The following LCT variants were observed in gnomAD, a reference collection of about 807,000 sequenced individuals.
LCT encodes the protein lactase, also known as lactase/phlorizin hydrolase.
A neutral mutation model predicts 173.0 loss-of-function variants in LCT; 90 were observed. That is an observed-to-expected ratio of 0.52 (90% CI 0.44 to 0.62). The LOEUF (loss-of-function observed/expected upper bound fraction) is 0.62. LCT is among the 20% of genes least tolerant of loss of function. The pLI, the probability that LCT is intolerant of heterozygous loss-of-function variation, is 0.00. For missense variants in LCT, 1,864 were observed against 2,431.4 expected, an observed-to-expected ratio of 0.77 and a Z score of 4.91; for synonymous variants, 853 against 957.6, an observed-to-expected ratio of 0.89 and a Z score of 2.02.
At chr2:135,826,967 G>T (rs1044829857) in intron 3 of LCT, among the ~76,000 whole-genome samples, 1 of 151,956 alleles carries the variant, frequency 6.6e-6, no homozygotes, top group African/African-American at 2.4e-5. Context: ...CAAACCCTTG[G>T]ACTTCTTTTT....
chr2:135,832,450 T>TA (rs2077948273), intron 2 of LCT, among the ~76,000 whole-genome samples: 1 of 150,864 alleles, frequency 6.6e-6, no homozygotes, highest in South Asian at 2.1e-4. Flanking sequence ...TAAATAAAAA[T>TA]AAAAAATAAA....
At chr2:135,796,189 C>CT (rs1187487096) in intron 13 of LCT, among the ~76,000 whole-genome samples, 1 of 152,256 alleles carries the variant, frequency 6.6e-6, no homozygotes, top group Non-Finnish European at 1.5e-5. Flanking sequence ...ACAGGGAGAC[C>CT]TGGGGCTTCT....
At chr2:135,818,251 GGTGA>G (rs1235431198) in intron 5 of LCT, among the ~76,000 whole-genome samples, 190 bp from the exon 6 acceptor site, 1 of 152,180 alleles carries the variant, frequency 6.6e-6, no homozygotes, top group East Asian at 1.9e-4. Context: ...CCCCTTCTGA[GGTGA>G]GTGATTCTTG....
chr2:135,817,271 A>G lies in LCT; in HGVS notation c.1707+70T>C, dbSNP rs531676326. 33 of 1,532,052 alleles carry G rather than the reference A, an allele frequency of 2.2e-5. No individual in the cohort carries two copies. In the African/African-American group the frequency reaches 4.3e-4, roughly 20 times the overall value. 94.9% of individuals were successfully genotyped at this position (1,532,052 alleles called of 1,614,324 possible). ...AAGGCTTGCTGATGGAAGAAAACAGAGAAAATGACTTTCTTCCAGCCAATG... is the reference window on the plus strand; with the variant it reads ...AAGGCTTGCTGATGGAAGAAAACAGGGAAAATGACTTTCTTCCAGCCAATG... On this transcript the variant is annotated intron_variant, in intron 6 of 16. Transcript: ENST00000264162.
Position 135,806,713 on chromosome 2 carries a change from C to T in LCT, c.4173+415G>A, listed in dbSNP as rs1044783462. On this transcript the variant is annotated intron_variant, in intron 9 of 16. Transcript: ENST00000264162. ...AGGAGCACTAGGCTATACCATGTAG[C>T]CTAGGTGTGTAGTAAGCTACACTAT... Among the ~76,000 whole-genome samples the T allele has an allele frequency of 2.0e-5, 3 of 152,196 alleles. No individual in the cohort carries two copies. The East Asian group carries it at 5.8e-4, about 29-fold the overall frequency.
chr2:135,834,289 G>A (rs62159034), intron 1 of LCT, among the ~76,000 whole-genome samples: 77,037 of 151,286 alleles, frequency 0.51, 23,737 homozygotes, highest in Non-Finnish European at 0.71. Context: ...AGGTTCAAGC[G>A]ATTCTCCTGC....
At chr2:135,800,465 T>A in intron 12 of LCT, 142 bp downstream of exon 12, 1 of 755,750 alleles carries the variant, frequency 1.3e-6, no homozygotes, top group Non-Finnish European at 2.3e-6. Context: ...CCTCAAGAAA[T>A]CCTCCTGCCT....
At position 135,827,906 on chromosome 2, in the gene LCT, AAC is replaced by A. The variant is rs571381870; in HGVS notation, c.804+1685_804+1686del. On this transcript the variant is annotated intron_variant, in intron 3 of 16. Transcript: ENST00000264162. ...AGTGTCTACTACACAGACAGCTAGA[AAC>A]ACACAGACATTGGGATAGGACTGGT... Among the ~76,000 whole-genome samples the A allele has an allele frequency of 6.0e-4, 91 of 152,336 alleles. 1 individual carries two copies. Among genetic ancestry groups the A allele is most frequent in the African/African-American group, 2.1e-3 (86 of 41,580 alleles).
At chr2:135,818,368 T>C (rs570499323) in intron 5 of LCT, among the ~76,000 whole-genome samples, 12 of 152,368 alleles carry the variant, frequency 7.9e-5, no homozygotes, top group Middle Eastern at 3.4e-3. Flanking sequence ...TTCTTATAAT[T>C]CATTATTTGT....
intron 12 of LCT, among the ~76,000 whole-genome samples, chr2:135,800,316 T>A (rs2077615001): frequency 6.6e-6 from 1 of 152,134 alleles, no homozygotes; most frequent in Non-Finnish European, 1.5e-5. Flanking sequence ...CACTGCAACC[T>A]TGACCTCCTG....
chr2:135,827,599 G>T (rs187421582), intron 3 of LCT, among the ~76,000 whole-genome samples: 1 of 152,162 alleles, frequency 6.6e-6, no homozygotes. Flanking sequence ...ATTTGGGGAT[G>T]AAATTGTTCC....
At chr2:135,825,433 G>A (rs1021943381) in intron 3 of LCT, among the ~76,000 whole-genome samples, 5 of 152,194 alleles carry the variant, frequency 3.3e-5, no homozygotes, top group African/African-American at 7.2e-5. Flanking sequence ...CCAGGGTGGC[G>A]TGCTTAGGGA....
rs764241747 is a variant in LCT, at chr2:135,837,040, T to C, written c.130A>G (p.Ser44Gly). The C allele has an allele frequency of 3.7e-6, 6 of 1,614,010 alleles. No homozygotes were observed. The highest frequency in any genetic ancestry group is 5.1e-6 in the Non-Finnish European group (6 of 1,179,968). ...PLTNDLLHNL[S>G]GLLGDQSSNF... ...GAACTCTGGTCTCCCAGGAGACCAC[T>C]CAGGTTGTGCAGCAAGTCATTGGTT... Residue 44 changes from serine to glycine, a missense_variant, in exon 1 of 17, where the codon AGT (serine) becomes GGT (glycine). Ser to Gly is a moderately conservative substitution (Grantham distance 56). Transcript: ENST00000264162.
At chr2:135,822,635 G>A (rs750320761) in intron 4 of LCT, 1 of 167,832 alleles carries the variant, frequency 6.0e-6, no homozygotes. Flanking sequence ...GTTCAGATAA[G>A]CATTATTAAA....
intron 12 of LCT, among the ~76,000 whole-genome samples, chr2:135,800,082 C>T (rs2077613328): frequency 6.6e-6 from 1 of 152,156 alleles, no homozygotes. Flanking sequence ...ACAACTTAAC[C>T]CCACAGACTT....
chr2:135,821,598 A>ATG (rs778400796), intron 5 of LCT: 1 of 204,190 alleles, frequency 4.9e-6, no homozygotes, highest in Non-Finnish European at 1.0e-5. Context: ...CTCTGACCTC[A>ATG]GTCTCCCAAG....
In LCT at chr2:135,823,958, G is replaced by A. The variant is rs753098969; in HGVS notation, c.850C>T (p.Pro284Ser). 1 of 1,614,094 alleles carries A rather than the reference G, an allele frequency of 6.2e-7. No individual in the cohort carries two copies. The highest frequency in any genetic ancestry group is 1.3e-5 in the African/African-American group (1 of 75,018). Residue 284 changes from proline to serine, a missense_variant, in exon 4 of 17, where the codon CCA becomes TCA. Pro to Ser is a moderately conservative substitution (Grantham distance 74). Around this residue, in one of 4 missense-constraint regions of LCT, gnomAD observed 412 missense variants for 462.0 expected, o/e 0.89. Coordinates refer to ENST00000264162, the MANE Select transcript of LCT (RefSeq NM_002299.4). The stretch of plus-strand genomic sequence containing the variant: ...TTCTTCATGGTGGAGGGGCAGTCTG[G>A]GAGTTTTAGGTTGAAGATGAAAACT... The part of the protein sequence containing the change: ...VKVFIFNLKL[P>S]DCPSTMKNPA...
At position 135,817,338 on chromosome 2, in the gene LCT, T is replaced by C; in HGVS notation, c.1707+3A>G. The C allele has an allele frequency of 6.2e-7, 1 of 1,613,604 alleles. No homozygotes were observed. Among genetic ancestry groups the C allele is most frequent in the East Asian group, 2.2e-5 (1 of 44,870 alleles). On this transcript the variant is annotated splice_donor_region_variant and intron_variant, in intron 6 of 16. Transcript: ENST00000264162. Reference sequence around the variant, plus strand: ...TAGTAGGAGCTGCAGGGTTGGGAAGTACCTTAAAAGAGGCCACTCCTGGGT... The same window carrying C: ...TAGTAGGAGCTGCAGGGTTGGGAAGCACCTTAAAAGAGGCCACTCCTGGGT...
Position 135,809,272 on chromosome 2 carries a change from C to G in LCT, c.3075G>C (p.Gln1025His). The G allele has an allele frequency of 6.2e-7, 1 of 1,614,188 alleles. No individual in the cohort carries two copies. Among genetic ancestry groups the G allele is most frequent in the Non-Finnish European group, 8.5e-7 (1 of 1,179,996 alleles). ...CCCAGCCTCCGATATCCTGGAGGGC[C>G]TGGGGCAGGTCCCAATGGAACAATG... ...MVTLFHWDLP[Q>H]ALQDIGGWEN... Residue 1025 changes from glutamine to histidine, a missense_variant, in exon 8 of 17, where the codon CAG becomes CAC. Transcript: ENST00000264162. This position sits in a 1 kb window ranked among gnomAD's most constrained non-coding sequence, Gnocchi z 5.5.
Sources: gnomAD v4.1 joint callset for allele counts (sites outside exome capture counted in the v4.1 genomes callset) on GRCh38, gnomAD v4.1.1 for gene constraint, gnomAD v4.1.1 regional missense constraint, Gnocchi (gnomAD v3.1) non-coding constraint, MANE v1.5 for transcripts, NCBI Gene and HGNC (gene_info 2026-07-23, HGNC 2026-07-21) for gene names.